Variants in ZNF438 observed in about 807,000 individuals in gnomAD.
The protein encoded by ZNF438 is zinc finger protein 438.
Under a neutral mutation model 38.0 loss-of-function variants are expected in ZNF438, and 25 were observed. The observed-to-expected ratio is 0.66, with a 90% CI of 0.48 to 0.92. The LOEUF is 0.92. Among genes scored for constraint, ZNF438 ranks in the 40% least tolerant of loss-of-function variants. The pLI is 0.00. For missense variants in ZNF438, 1,007 were observed against 999.6 expected, an observed-to-expected ratio of 1.01 and a Z score of -0.10; for synonymous variants, 372 against 364.1, an observed-to-expected ratio of 1.02 and a Z score of -0.25.
At chr10:30,849,211 T>C (rs758661808) in exon 5 of ZNF438, 5 of 1,614,156 alleles carry the variant, frequency 3.1e-6, no homozygotes, top group South Asian at 1.1e-5. Flanking sequence ...TCCTCCTTTT[T>C]CCCTGAAATG....
intron 3 of ZNF438, among the ~76,000 whole-genome samples, chr10:30,879,714 G>A (rs976263517): frequency 1.5e-4 from 23 of 152,138 alleles, no homozygotes; most frequent in South Asian, 8.3e-4. Context: ...CATTAGACAC[G>A]TCAGAAGAAA....
At chr10:30,927,399 T>C (rs1184577488) in intron 2 of ZNF438, among the ~76,000 whole-genome samples, 1 of 152,128 alleles carries the variant, frequency 6.6e-6, no homozygotes, top group Non-Finnish European at 1.5e-5. Context: ...TGGAGGAAAA[T>C]GGGCAAGGAA....
At chr10:30,868,885 C>T (rs1408324113) in intron 4 of ZNF438, among the ~76,000 whole-genome samples, 3 of 152,304 alleles carry the variant, frequency 2.0e-5, no homozygotes, top group South Asian at 2.1e-4. Flanking sequence ...TACATAAATG[C>T]TATTTGCACC....
At chr10:30,845,006 G>T in exon 6 of ZNF438, 1 of 1,614,170 alleles carries the variant, frequency 6.2e-7, no homozygotes, top group East Asian at 2.2e-5. Flanking sequence ...CCTGGTTGGA[G>T]ACCGTATTTA....
chr10:30,883,954 G>T (rs2039613222), intron 3 of ZNF438, among the ~76,000 whole-genome samples: 1 of 152,006 alleles, frequency 6.6e-6, no homozygotes, highest in Non-Finnish European at 1.5e-5. Context: ...TAACTCATGA[G>T]AAAAATTACC....
intron 1 of ZNF438, among the ~76,000 whole-genome samples, chr10:30,952,309 C>T (rs1439401142): frequency 6.7e-6 from 1 of 149,880 alleles, no homozygotes; most frequent in Non-Finnish European, 1.5e-5. Context: ...TAGAAGAAAA[C>T]CTAGGCATTA....
At chr10:30,844,958 G>A (rs1319379769) in exon 6 of ZNF438, 3 of 1,612,046 alleles carry the variant, frequency 1.9e-6, no homozygotes, top group South Asian at 1.1e-5. Flanking sequence ...CTGCCTTGGG[G>A]TCTCATTTCT....
chr10:30,896,952 T>A (rs540679679), intron 3 of ZNF438, among the ~76,000 whole-genome samples: 8 of 152,346 alleles, frequency 5.3e-5, no homozygotes, highest in African/African-American at 1.9e-4. Flanking sequence ...GTGTTTTATG[T>A]GGCAAGTCTT....
chr10:30,942,151 T>C (rs2046881610), intron 1 of ZNF438, among the ~76,000 whole-genome samples: 1 of 151,934 alleles, frequency 6.6e-6, no homozygotes, highest in South Asian at 2.1e-4. Context: ...ACAGGGAAAA[T>C]GTGGGAAGGC....
At chr10:30,956,181 A>G (rs1333354879) in intron 1 of ZNF438, among the ~76,000 whole-genome samples, 1 of 152,192 alleles carries the variant, frequency 6.6e-6, no homozygotes, top group African/African-American at 2.4e-5. Flanking sequence ...CAAATAGAAA[A>G]TTAAGACCCT....
chr10:30,993,453 A>T (rs1172741914), intron 1 of ZNF438, among the ~76,000 whole-genome samples: 1 of 152,250 alleles, frequency 6.6e-6, no homozygotes, highest in Non-Finnish European at 1.5e-5. Context: ...CCACTCTGGA[A>T]GGCACAAGCT....
chr10:31,011,255 T>C (rs541181090), intron 1 of ZNF438, among the ~76,000 whole-genome samples: 15 of 152,312 alleles, frequency 9.8e-5, no homozygotes, highest in Non-Finnish European at 1.5e-4. Context: ...GCTGGCAGGC[T>C]AACGGTTCTC....
chr10:30,871,363 GTGAT>G (rs1371773162), intron 4 of ZNF438, among the ~76,000 whole-genome samples: 2 of 152,092 alleles, frequency 1.3e-5, no homozygotes, highest in African/African-American at 2.4e-5. Context: ...AGCAACAGGT[GTGAT>G]TGATTTATAA....
At chr10:30,930,404 T>C (rs1191526505) in intron 2 of ZNF438, among the ~76,000 whole-genome samples, 1 of 151,894 alleles carries the variant, frequency 6.6e-6, no homozygotes, top group South Asian at 2.1e-4. Context: ...GCAGCCCCGG[T>C]TCCCACCCGC....
chr10:30,866,894 C>T (rs4747738), intron 4 of ZNF438, among the ~76,000 whole-genome samples: 89,003 of 151,634 alleles, frequency 0.59, 26,364 homozygotes, highest in African/African-American at 0.63. Context: ...TTTAAAATAT[C>T]GCACAATGAA....
At chr10:30,854,754 T>G (rs2034325501) in intron 4 of ZNF438, among the ~76,000 whole-genome samples, 1 of 152,032 alleles carries the variant, frequency 6.6e-6, no homozygotes, top group South Asian at 2.1e-4. Context: ...ACAAGCAAGC[T>G]CTACAGAAAA....
At chr10:30,948,282 A>C (rs2047698109) in intron 1 of ZNF438, among the ~76,000 whole-genome samples, 1 of 152,186 alleles carries the variant, frequency 6.6e-6, no homozygotes, top group Non-Finnish European at 1.5e-5. Context: ...AAAGTAGATA[A>C]AACCACAAAG....
At chr10:31,006,253 G>A (rs920963334) in intron 1 of ZNF438, among the ~76,000 whole-genome samples, 1 of 152,174 alleles carries the variant, frequency 6.6e-6, no homozygotes, top group Non-Finnish European at 1.5e-5. Context: ...TAGAGGGTTG[G>A]GACGTTCAGT....
intron 1 of ZNF438, among the ~76,000 whole-genome samples, chr10:30,987,281 T>C (rs1282504091): frequency 2.7e-5 from 4 of 150,464 alleles, no homozygotes; most frequent in African/African-American, 9.8e-5. Context: ...GATCACACCA[T>C]TGCACTTCAG....
Sources: gnomAD v4.1 joint callset for allele counts (sites outside exome capture counted in the v4.1 genomes callset) on GRCh38, gnomAD v4.1.1 for gene constraint, MANE v1.5 for transcripts, NCBI Gene and HGNC (gene_info 2026-07-23, HGNC 2026-07-21) for gene names.